DMD: variants seen among roughly 807,000 people sequenced by gnomAD.
The protein encoded by DMD is mutant dystrophin.
In DMD, 63 loss-of-function variants were observed where a neutral mutation model predicts 330.1. The ratio of observed to expected loss-of-function variants is 0.19; its 90% CI spans 0.16 to 0.24. DMD has a LOEUF of 0.24. Among genes scored for constraint, DMD ranks in the 10% least tolerant of loss-of-function variants. The probability of loss-of-function intolerance (pLI) is 1.00; values close to 1 mark genes in which losing one functional copy is unlikely to be tolerated. For missense variants in DMD, 3,344 were observed against 2,684.1 expected (o/e 1.25, Z -5.43); for synonymous variants, 1,223 against 959.8 (o/e 1.27, Z -5.07).
chrX:32,433,444 G>C (rs1298573553), intron 29 of DMD, among the ~76,000 whole-genome samples: 1 of 112,023 alleles, frequency 8.9e-6, no homozygotes, highest in East Asian at 2.8e-4. Context: ...TTGGGAGGCC[G>C]AGGCGGGCGG....
In DMD at chrX:32,743,687, G is replaced by A. The variant is rs191692963; in HGVS notation, c.650-44394C>T. On this transcript the variant is annotated intron_variant, in intron 7 of 78. Coordinates refer to ENST00000357033, the MANE Select transcript of DMD (RefSeq NM_004006.3). ...TGTGTTCAGTGGGTGAGGAATGGGAGGAAGTTCTATTTTGCTCTCAGTAGA... is the reference window on the plus strand; with the variant it reads ...TGTGTTCAGTGGGTGAGGAATGGGAAGAAGTTCTATTTTGCTCTCAGTAGA... Among the ~76,000 whole-genome samples, 257 of 110,756 alleles carry A rather than the reference G, an allele frequency of 2.3e-3. 2 individuals carry two copies. Among genetic ancestry groups the A allele is most frequent in the Non-Finnish European group, 4.3e-3 (228 of 52,893 alleles).
chrX:31,893,106 A>G (rs1331114134), intron 47 of DMD, among the ~76,000 whole-genome samples: 1 of 112,139 alleles, frequency 8.9e-6, no homozygotes, highest in Admixed American at 9.5e-5. Context: ...GAGTTTTAGT[A>G]TATCTTCTAA....
intron 60 of DMD, among the ~76,000 whole-genome samples, chrX:31,383,941 G>A (rs2060310662): frequency 8.9e-6 from 1 of 111,877 alleles, no homozygotes; most frequent in Admixed American, 9.5e-5. Context: ...ATTCCTCCTG[G>A]AAAATGGGCA....
chrX:32,682,569 AATTTAATTTTTT>A (rs923860574), intron 9 of DMD, among the ~76,000 whole-genome samples: 1 of 111,628 alleles, frequency 9.0e-6, no homozygotes, highest in Admixed American at 9.5e-5. Flanking sequence ...TCAATTTTGG[AATTTAATTTTTT>A]ATGCTTGAAG....
At chrX:31,467,514 C>G (rs192355333) in intron 59 of DMD, among the ~76,000 whole-genome samples, 54 of 111,851 alleles carry the variant, frequency 4.8e-4, no homozygotes, top group Non-Finnish European at 8.8e-4. Flanking sequence ...AGGGATGAAG[C>G]CAACTTGATC....
At chrX:33,253,275 T>G (rs1389826541) in intron 1 of DMD, among the ~76,000 whole-genome samples, 1 of 111,496 alleles carries the variant, frequency 9.0e-6, no homozygotes, top group African/African-American at 3.3e-5. Flanking sequence ...AAATAATAAT[T>G]GGAACTTTGG....
At chrX:32,108,376 A>G (rs2096574391) in intron 44 of DMD, among the ~76,000 whole-genome samples, 1 of 112,335 alleles carries the variant, frequency 8.9e-6, no homozygotes, top group Non-Finnish European at 1.9e-5. Context: ...TTCTCTTACA[A>G]AGAAAGTCAT....
intron 55 of DMD, among the ~76,000 whole-genome samples, chrX:31,524,584 T>A (rs1357465562): frequency 8.9e-6 from 1 of 111,779 alleles, no homozygotes; most frequent in Non-Finnish European, 1.9e-5. Flanking sequence ...TTGAGGCTAA[T>A]GGCTTCATTA....
chrX:31,657,018 C>G (rs928110318), intron 54 of DMD, among the ~76,000 whole-genome samples: 6 of 111,794 alleles, frequency 5.4e-5, no homozygotes, highest in Non-Finnish European at 1.1e-4. Flanking sequence ...ATATCATTAT[C>G]TCATTTCTCC....
At chrX:31,876,764 C>A (rs2093975425) in intron 47 of DMD, among the ~76,000 whole-genome samples, 1 of 110,421 alleles carries the variant, frequency 9.1e-6, no homozygotes, top group Non-Finnish European at 1.9e-5. Flanking sequence ...AAGAGTAAAG[C>A]TATTTTCTTC....
chrX:31,875,412 C>A, intron 47 of DMD, 39 bp from the exon 48 acceptor site: 1 of 1,042,110 alleles, frequency 9.6e-7, no homozygotes, highest in Non-Finnish European at 1.3e-6. Context: ...AAATAATTCT[C>A]AAGGCATAAG....
intron 62 of DMD, among the ~76,000 whole-genome samples, chrX:31,307,227 T>C (rs1336340822): frequency 1.8e-5 from 2 of 111,974 alleles, no homozygotes; most frequent in African/African-American, 6.5e-5. Flanking sequence ...AATGACTTTG[T>C]AGTTTGAACA....
intron 17 of DMD, among the ~76,000 whole-genome samples, chrX:32,520,981 T>C (rs2046367174): frequency 9.0e-6 from 1 of 110,718 alleles, no homozygotes. Flanking sequence ...CAGAAACAAG[T>C]GCAATTATCA....
At chrX:32,779,415 G>C (rs975571994) in intron 7 of DMD, among the ~76,000 whole-genome samples, 1 of 109,793 alleles carries the variant, frequency 9.1e-6, no homozygotes, top group South Asian at 3.8e-4. Flanking sequence ...TTTTTCATGA[G>C]GTTTTTAAAA....
chrX:31,860,319 G>C (rs761879640), intron 48 of DMD, among the ~76,000 whole-genome samples: 167 of 112,476 alleles, frequency 1.5e-3, no homozygotes, highest in Non-Finnish European at 2.5e-3. Context: ...TGATCTAGGA[G>C]AGAGTAGAAC....
At chrX:31,943,354 C>T (rs1372793159) in intron 45 of DMD, among the ~76,000 whole-genome samples, 1 of 112,376 alleles carries the variant, frequency 8.9e-6, no homozygotes, top group Non-Finnish European at 1.9e-5. Context: ...ATTAGAACTA[C>T]TCCTCACCCC....
At chrX:32,164,671 G>T (rs993052814) in intron 44 of DMD, among the ~76,000 whole-genome samples, 11 of 111,621 alleles carry the variant, frequency 9.9e-5, no homozygotes, top group Admixed American at 3.8e-4. Flanking sequence ...TTAACAAGGA[G>T]CCCAATGTTA....
intron 47 of DMD, among the ~76,000 whole-genome samples, chrX:31,925,091 G>C (rs1234956832): frequency 8.9e-6 from 1 of 111,942 alleles, no homozygotes; most frequent in Non-Finnish European, 1.9e-5. Context: ...TTCCACAGCA[G>C]AGAAGGTTCT....
chrX:32,560,972 G>A (rs1353883567), intron 16 of DMD, among the ~76,000 whole-genome samples: 1 of 111,538 alleles, frequency 9.0e-6, no homozygotes, highest in Non-Finnish European at 1.9e-5. Flanking sequence ...GCCTTGCTGG[G>A]TATTTCTGGT....
Sources: gnomAD v4.1 joint callset for allele counts (sites outside exome capture counted in the v4.1 genomes callset) on GRCh38, gnomAD v4.1.1 for gene constraint, MANE v1.5 for transcripts, NCBI Gene and HGNC (gene_info 2026-07-23, HGNC 2026-07-21) for gene names.